The following DLG2 variants were observed in gnomAD, a reference collection of about 807,000 sequenced individuals.
The protein encoded by DLG2 is disks large homolog 2.
Under a neutral mutation model 132.5 loss-of-function variants are expected in DLG2, and 45 were observed. That is an observed-to-expected ratio of 0.34 (90% CI 0.27 to 0.44). DLG2 has a LOEUF of 0.44. Among genes scored for constraint, DLG2 ranks in the 20% least tolerant of loss-of-function variants. The probability of loss-of-function intolerance (pLI) is 1.00; values close to 1 mark genes in which losing one functional copy is unlikely to be tolerated. For missense variants in DLG2, 1,045 were observed against 1,196.9 expected (o/e 0.87, Z 1.87); for synonymous variants, 424 against 419.6 (o/e 1.01, Z -0.13).
chr11:84,959,795 A>C (rs1446175542), intron 6 of DLG2, among the ~76,000 whole-genome samples: 2 of 152,188 alleles, frequency 1.3e-5, no homozygotes, highest in African/African-American at 2.4e-5. Context: ...GAAAAGGTCA[A>C]CCTTGTGTAT....
intron 18 of DLG2, among the ~76,000 whole-genome samples, chr11:83,747,703 T>C (rs1305428332): frequency 6.6e-6 from 1 of 151,350 alleles, no homozygotes; most frequent in Non-Finnish European, 1.5e-5. Flanking sequence ...TCTTTATATT[T>C]ATTTTATAAG....
chr11:84,106,921 T>G (rs2092977080), intron 9 of DLG2, among the ~76,000 whole-genome samples: 1 of 57,686 alleles, frequency 1.7e-5, no homozygotes, highest in Non-Finnish European at 3.8e-5. Flanking sequence ...GTGAGAGAAG[T>G]GTGTGTGTGT....
At chr11:85,386,253 G>C (rs900066898) in intron 3 of DLG2, among the ~76,000 whole-genome samples, 1 of 152,092 alleles carries the variant, frequency 6.6e-6, no homozygotes, top group African/African-American at 2.4e-5. Flanking sequence ...ACTTTCATAT[G>C]TTAACTTACT....
chr11:84,971,273 T>C (rs547610101), intron 6 of DLG2, among the ~76,000 whole-genome samples: 1 of 152,360 alleles, frequency 6.6e-6, no homozygotes, highest in South Asian at 2.1e-4. Context: ...ATTTTAGCTA[T>C]GCTTAGCAAA....
intron 4 of DLG2, among the ~76,000 whole-genome samples, chr11:85,211,437 A>G (rs1374480665): frequency 1.3e-5 from 2 of 152,148 alleles, no homozygotes; most frequent in Non-Finnish European, 2.9e-5. Context: ...AACTATAGAA[A>G]GGGTAATTCA....
chr11:85,560,983 G>A (rs2077202957), intron 3 of DLG2, among the ~76,000 whole-genome samples: 2 of 151,482 alleles, frequency 1.3e-5, no homozygotes, highest in South Asian at 4.2e-4. Context: ...AGTGAGCTGT[G>A]ATCATTCCAT....
chr11:83,623,161 T>C (rs76619924), intron 19 of DLG2, among the ~76,000 whole-genome samples: 5,713 of 152,264 alleles, frequency 0.038, 369 homozygotes, highest in African/African-American at 0.13. Flanking sequence ...TTAATCATTG[T>C]GTACTATCCT....
chr11:83,954,347 T>C (rs1283754096), intron 14 of DLG2, among the ~76,000 whole-genome samples: 4 of 152,198 alleles, frequency 2.6e-5, no homozygotes, highest in Admixed American at 1.3e-4. Flanking sequence ...AGTAAACCTA[T>C]GTGGTTTAAA....
intron 7 of DLG2, among the ~76,000 whole-genome samples, chr11:84,484,641 T>C (rs2099146334): frequency 6.6e-6 from 1 of 152,200 alleles, no homozygotes; most frequent in South Asian, 2.1e-4. Flanking sequence ...TAAGCTTTAC[T>C]ATTATGAAGC....
At chr11:85,099,928 A>G (rs2070593142) in intron 6 of DLG2, among the ~76,000 whole-genome samples, 1 of 152,106 alleles carries the variant, frequency 6.6e-6, no homozygotes, top group African/African-American at 2.4e-5. Flanking sequence ...TTGCGCTTCT[A>G]AAGGCTCCTT....
At chr11:84,386,154 C>T (rs762076991) in intron 7 of DLG2, among the ~76,000 whole-genome samples, 1 of 152,018 alleles carries the variant, frequency 6.6e-6, no homozygotes, top group Non-Finnish European at 1.5e-5. Context: ...CTCTCCCAGC[C>T]CAGCCAATTT....
chr11:84,068,727 G>C (rs777291463), intron 10 of DLG2, among the ~76,000 whole-genome samples: 4 of 152,130 alleles, frequency 2.6e-5, no homozygotes, highest in Non-Finnish European at 5.9e-5. Context: ...GAGTTTATTT[G>C]TTTTATTCGA....
intron 19 of DLG2, among the ~76,000 whole-genome samples, chr11:83,613,732 A>G (rs2060424752): frequency 6.6e-6 from 1 of 152,220 alleles, no homozygotes; most frequent in African/African-American, 2.4e-5. Context: ...TTTTCAGCTT[A>G]AACATGAGCT....
At chr11:84,238,049 A>G (rs1242682438) in intron 8 of DLG2, among the ~76,000 whole-genome samples, 1 of 150,790 alleles carries the variant, frequency 6.6e-6, no homozygotes, top group African/African-American at 2.4e-5. Flanking sequence ...GCCTAAAAAA[A>G]AAAAAAAAAA....
chr11:84,183,945 T>C (rs1166363223), intron 8 of DLG2, among the ~76,000 whole-genome samples: 2 of 152,110 alleles, frequency 1.3e-5, no homozygotes, highest in Non-Finnish European at 2.9e-5. Context: ...ATGGTGTATA[T>C]GTGCCACATT....
chr11:84,312,739 C>G (rs1023249129), intron 7 of DLG2, among the ~76,000 whole-genome samples: 6 of 152,096 alleles, frequency 3.9e-5, no homozygotes, highest in Admixed American at 3.9e-4. Flanking sequence ...CCATTATAGG[C>G]TGTAAGCTCC....
intron 6 of DLG2, among the ~76,000 whole-genome samples, chr11:84,891,240 T>G (rs189192768): frequency 3.3e-5 from 5 of 152,252 alleles, no homozygotes; most frequent in Admixed American, 6.5e-5. Flanking sequence ...CACAGACACA[T>G]GTACAGCATA....
At chr11:84,007,971 A>G (rs780952231) in intron 11 of DLG2, among the ~76,000 whole-genome samples, 2 of 151,850 alleles carry the variant, frequency 1.3e-5, no homozygotes, top group Non-Finnish European at 3.0e-5. Flanking sequence ...AATGAGAGAC[A>G]AATGTAATGT....
chr11:84,302,690 T>C (rs1317614008), intron 7 of DLG2, among the ~76,000 whole-genome samples: 4 of 152,214 alleles, frequency 2.6e-5, no homozygotes, highest in Non-Finnish European at 1.5e-5. Flanking sequence ...TAAGCTTGTA[T>C]TATATTTAAA....
Sources: allele counts gnomAD v4.1 joint callset (sites outside exome capture counted in the v4.1 genomes callset), GRCh38; gene constraint gnomAD v4.1.1; transcripts MANE v1.5; gene names NCBI Gene and HGNC (gene_info 2026-07-23, HGNC 2026-07-21).